CUL1: variants seen among roughly 807,000 people sequenced by gnomAD.
CUL1 encodes cullin 1.
Under a neutral mutation model 118.0 loss-of-function variants are expected in CUL1, and 24 were observed. The ratio of observed to expected loss-of-function variants is 0.20; its 90% CI spans 0.15 to 0.29. The LOEUF (loss-of-function observed/expected upper bound fraction) is 0.29. Among genes scored for constraint, CUL1 ranks in the 10% least tolerant of loss-of-function variants. The probability of loss-of-function intolerance (pLI) is 1.00; values close to 1 mark genes in which losing one functional copy is unlikely to be tolerated. For synonymous variants in CUL1, 332 were observed against 340.4 expected (o/e 0.98, Z 0.27); for missense variants, 361 against 933.8 (o/e 0.39, Z 7.99).
chr7:148,745,922 C>T (rs1447169896), intron 2 of CUL1, among the ~76,000 whole-genome samples: 1 of 152,134 alleles, frequency 6.6e-6, no homozygotes, highest in African/African-American at 2.4e-5. Flanking sequence ...GTCTCCTAAC[C>T]ACTATCATCT....
At chr7:148,784,830 C>A in intron 11 of CUL1, among the ~76,000 whole-genome samples, 1 of 152,022 alleles carries the variant, frequency 6.6e-6, no homozygotes, top group African/African-American at 2.4e-5. Context: ...CAAAAAAGAC[C>A]GAGAAATACC....
intron 7 of CUL1, among the ~76,000 whole-genome samples, chr7:148,762,024 T>C (rs772909956): frequency 8.5e-5 from 13 of 152,330 alleles, no homozygotes; most frequent in South Asian, 2.1e-4. Context: ...CTCACTCATA[T>C]GCTGGTCACC....
chr7:148,783,034 C>CT, intron 9 of CUL1, among the ~76,000 whole-genome samples: 1 of 152,220 alleles, frequency 6.6e-6, no homozygotes, highest in Non-Finnish European at 1.5e-5. Context: ...CCAGTGTGGG[C>CT]TTTCGCGGTC....
At chr7:148,725,377 C>T (rs1798544890) in intron 1 of CUL1, among the ~76,000 whole-genome samples, 1 of 152,220 alleles carries the variant, frequency 6.6e-6, no homozygotes, top group Non-Finnish European at 1.5e-5. Context: ...GTGTTAGCGC[C>T]ATCGGGCCTC....
intron 7 of CUL1, among the ~76,000 whole-genome samples, chr7:148,762,796 C>A (rs1211536106): frequency 6.6e-6 from 1 of 152,222 alleles, no homozygotes; most frequent in Non-Finnish European, 1.5e-5. Flanking sequence ...GGCAAGGAAA[C>A]CAGTGTTCTA....
At chr7:148,720,766 G>C (rs1384746394) in intron 1 of CUL1, among the ~76,000 whole-genome samples, 1 of 152,208 alleles carries the variant, frequency 6.6e-6, no homozygotes, top group African/African-American at 2.4e-5. Flanking sequence ...CTAGAGTGAG[G>C]AGCAGCTTGG....
intron 2 of CUL1, among the ~76,000 whole-genome samples, chr7:148,746,051 A>G (rs746684205): frequency 5.3e-5 from 8 of 152,018 alleles, no homozygotes; most frequent in African/African-American, 1.9e-4. Flanking sequence ...TTTTGTTTCA[A>G]TTGTGCCTTT....
At chr7:148,789,699 CT>C in intron 14 of CUL1, 50 bp from the exon 15 acceptor site, 2 of 1,432,622 alleles carry the variant, frequency 1.4e-6, no homozygotes, top group Non-Finnish European at 2.0e-6. Flanking sequence ...AGTTTATAAA[CT>C]AATTAATGTA....
intron 2 of CUL1, among the ~76,000 whole-genome samples, chr7:148,738,661 C>T (rs1031677578): frequency 6.6e-6 from 1 of 152,168 alleles, no homozygotes; most frequent in African/African-American, 2.4e-5. Flanking sequence ...CTATGGCTGC[C>T]TTAGTATAAA....
chr7:148,776,134 C>A (rs1263708848), intron 9 of CUL1, among the ~76,000 whole-genome samples: 1 of 150,780 alleles, frequency 6.6e-6, no homozygotes, highest in Non-Finnish European at 1.5e-5. Context: ...AACAACTACA[C>A]CTCTACCGAG....
intron 20 of CUL1, among the ~76,000 whole-genome samples, 156 bp downstream of exon 20, chr7:148,798,833 C>T (rs1031334943): frequency 2.0e-5 from 3 of 152,086 alleles, no homozygotes; most frequent in East Asian, 1.9e-4. Context: ...GAGCCAGGGC[C>T]TTGTTATCTG....
At chr7:148,799,684 G>A (rs1423394038) in intron 21 of CUL1, among the ~76,000 whole-genome samples, 1 of 151,390 alleles carries the variant, frequency 6.6e-6, no homozygotes, top group Non-Finnish European at 1.5e-5. Context: ...GCCAGCACCT[G>A]TGTCCCATAG....
intron 2 of CUL1, among the ~76,000 whole-genome samples, chr7:148,744,218 T>C (rs1299297499): frequency 1.3e-5 from 2 of 152,244 alleles, no homozygotes; most frequent in Non-Finnish European, 2.9e-5. Context: ...TCTCTGTCTT[T>C]TAATTGTAGT....
intron 1 of CUL1, among the ~76,000 whole-genome samples, chr7:148,716,653 T>C (rs373377849): frequency 5.9e-5 from 9 of 152,236 alleles, no homozygotes; most frequent in African/African-American, 2.2e-4. Flanking sequence ...GTATCTACAC[T>C]TACGTGTTAG....
At chr7:148,741,562 CCGAG>C (rs1373069697) in intron 2 of CUL1, among the ~76,000 whole-genome samples, 8 of 152,134 alleles carry the variant, frequency 5.3e-5, no homozygotes, top group African/African-American at 1.7e-4. Context: ...CCTCAGCCTC[CCGAG>C]TAGCTGGAAC....
intron 1 of CUL1, among the ~76,000 whole-genome samples, chr7:148,720,405 C>T (rs1475791914): frequency 6.6e-6 from 1 of 152,006 alleles, no homozygotes; most frequent in Non-Finnish European, 1.5e-5. Flanking sequence ...ACTGATTTTT[C>T]ATCAGGGGTA....
intron 3 of CUL1, 106 bp from the exon 4 acceptor site, chr7:148,756,877 T>C: frequency 1.5e-6 from 1 of 653,656 alleles, no homozygotes; most frequent in Non-Finnish European, 2.4e-6. Context: ...CCATCTAAAA[T>C]CACATGTGTC....
In CUL1 at chr7:148,725,231, A is replaced by G. The variant is rs559466946; in HGVS notation, c.-161-4731A>G. Among the ~76,000 whole-genome samples, 209 of 151,838 alleles carry G rather than the reference A, an allele frequency of 1.4e-3. 1 individual carries two copies. The highest frequency in any genetic ancestry group is 1.8e-3 in the Admixed American group (28 of 15,276). On this transcript the variant is annotated intron_variant, in intron 1 of 21. Transcript: ENST00000325222. ...CACACACGCGCGCGCTCACACACACACACACACACACACACACCCGTACCC... is the reference window on the plus strand; with the variant it reads ...CACACACGCGCGCGCTCACACACACGCACACACACACACACACCCGTACCC...
At chr7:148,790,245 T>C in intron 15 of CUL1, 65 bp from the exon 16 acceptor site, 1 of 1,566,804 alleles carries the variant, frequency 6.4e-7, no homozygotes, top group African/African-American at 1.4e-5. Context: ...TGGGCTTTAC[T>C]TAGAAACGCT....
Sources: allele counts gnomAD v4.1 joint callset (sites outside exome capture counted in the v4.1 genomes callset), GRCh38; gene constraint gnomAD v4.1.1; transcripts MANE v1.5; gene names NCBI Gene and HGNC (gene_info 2026-07-23, HGNC 2026-07-21).